The following EIF4G3 variants were observed in gnomAD, a reference collection of about 807,000 sequenced individuals.
EIF4G3 encodes the protein eukaryotic translation initiation factor 4 gamma 3, also known as eIF-4-gamma 3.
Under a neutral mutation model 186.4 loss-of-function variants are expected in EIF4G3, and 34 were observed. The observed-to-expected ratio is 0.18, with a 90% CI of 0.14 to 0.24. EIF4G3 has a LOEUF of 0.24. Ranked by LOEUF, EIF4G3 falls within the 10% of genes least tolerant of loss-of-function variation. The pLI is 1.00. For missense variants in EIF4G3, 1,536 were observed against 1,948.5 expected, an observed-to-expected ratio of 0.79 and a Z score of 3.99; for synonymous variants, 673 against 679.5, an observed-to-expected ratio of 0.99 and a Z score of 0.15.
intron 35 of EIF4G3, among the ~76,000 whole-genome samples, chr1:20,811,600 C>T (rs537542906): frequency 5.9e-5 from 9 of 152,234 alleles, no homozygotes; most frequent in African/African-American, 1.9e-4. Flanking sequence ...GAGTAGCGTA[C>T]CCAATTATCT....
intron 25 of EIF4G3, among the ~76,000 whole-genome samples, chr1:20,856,452 T>C (rs184586711): frequency 6.6e-6 from 1 of 152,326 alleles, no homozygotes; most frequent in East Asian, 1.9e-4. Context: ...CACTGGACTT[T>C]AGAAGTTTCC....
chr1:20,907,257 A>G (rs974913217), intron 14 of EIF4G3, among the ~76,000 whole-genome samples: 1 of 152,202 alleles, frequency 6.6e-6, no homozygotes, highest in Non-Finnish European at 1.5e-5. Context: ...CATAGGATTC[A>G]TAATTACCTG....
intron 14 of EIF4G3, among the ~76,000 whole-genome samples, chr1:20,916,018 T>A (rs2093822398): frequency 6.6e-6 from 1 of 152,156 alleles, no homozygotes; most frequent in Non-Finnish European, 1.5e-5. Flanking sequence ...TTGCAGGACA[T>A]GAAACTGATA....
At chr1:21,083,479 C>T (rs973739560) in intron 3 of EIF4G3, among the ~76,000 whole-genome samples, 1 of 142,956 alleles carries the variant, frequency 7.0e-6, no homozygotes, top group Admixed American at 7.2e-5. Context: ...CACCCAGCCA[C>T]ACACACACTT....
chr1:21,061,541 T>C lies in EIF4G3; in HGVS notation c.-195-10547A>G, dbSNP rs139334652. ...CAAGTAAATCTAGAGGTAGGTTCAT[T>C]ACCAACATTCCACATAGCATCTAAG... is the stretch of plus-strand genomic sequence containing the variant. On this transcript the variant is annotated intron_variant, in intron 3 of 36. Coordinates refer to ENST00000602326, the MANE Select transcript of EIF4G3 (RefSeq NM_001391906.1). Among the ~76,000 whole-genome samples, 388 of 152,280 alleles carry C rather than the reference T, an allele frequency of 2.5e-3. 3 individuals are homozygous for C. Among genetic ancestry groups the C allele is most frequent in the African/African-American group, 8.6e-3 (359 of 41,544 alleles).
At chr1:21,131,451 GA>G (rs767743509) in intron 2 of EIF4G3, among the ~76,000 whole-genome samples, 6,297 of 85,196 alleles carry the variant, frequency 0.074, 380 homozygotes, top group African/African-American at 0.21. Flanking sequence ...GAATTTTCCA[GA>G]AAAAAAAAAA....
At chr1:21,060,983 A>C (rs968750632) in intron 3 of EIF4G3, among the ~76,000 whole-genome samples, 5 of 152,178 alleles carry the variant, frequency 3.3e-5, no homozygotes, top group African/African-American at 1.2e-4. Flanking sequence ...CATGGAATAC[A>C]TCAGTAAAAG....
intron 12 of EIF4G3, among the ~76,000 whole-genome samples, chr1:20,964,814 T>A (rs1447980253): frequency 6.6e-6 from 1 of 152,206 alleles, no homozygotes; most frequent in Non-Finnish European, 1.5e-5. Flanking sequence ...TAAAACCTAA[T>A]GGTTAACACC....
intron 2 of EIF4G3, among the ~76,000 whole-genome samples, chr1:21,095,125 G>A: frequency 6.6e-6 from 1 of 152,132 alleles, no homozygotes; most frequent in Non-Finnish European, 1.5e-5. Context: ...ACGCCTAGCA[G>A]AATCTAGGCA....
At chr1:20,905,164 AC>A (rs2091698305) in intron 14 of EIF4G3, among the ~76,000 whole-genome samples, 193 bp from the exon 15 acceptor site, 1 of 152,234 alleles carries the variant, frequency 6.6e-6, no homozygotes, top group Non-Finnish European at 1.5e-5. Flanking sequence ...GTGGGTACAA[AC>A]TCGTAGCTTT....
At chr1:21,049,957 C>T (rs1336632117) in intron 4 of EIF4G3, among the ~76,000 whole-genome samples, 4 of 152,106 alleles carry the variant, frequency 2.6e-5, no homozygotes, top group Non-Finnish European at 5.9e-5. Flanking sequence ...AAAATCAGCC[C>T]TTAACTTATA....
At chr1:20,899,095 AAGTC>A (rs1243017826) in intron 16 of EIF4G3, among the ~76,000 whole-genome samples, 4 of 152,150 alleles carry the variant, frequency 2.6e-5, no homozygotes, top group Non-Finnish European at 5.9e-5. Flanking sequence ...ATATATCTCA[AAGTC>A]AGTCACAGTT....
chr1:21,176,118 T>C, intron 2 of EIF4G3, 57 bp downstream of exon 2: 12 of 307,362 alleles, frequency 3.9e-5, no homozygotes, highest in South Asian at 1.3e-4. Flanking sequence ...GGCTGCGGGG[T>C]CCCCCTGGAC....
At chr1:20,922,470 T>C (rs2094554256) in intron 14 of EIF4G3, among the ~76,000 whole-genome samples, 1 of 152,198 alleles carries the variant, frequency 6.6e-6, no homozygotes, top group South Asian at 2.1e-4. Context: ...GTTGATTTTG[T>C]ATTTTTAGTA....
At chr1:20,973,524 A>G (rs2076286502) in intron 10 of EIF4G3, among the ~76,000 whole-genome samples, 1 of 152,158 alleles carries the variant, frequency 6.6e-6, no homozygotes, top group Non-Finnish European at 1.5e-5. Flanking sequence ...ATCATCTTGG[A>G]AAGTAGGGGT....
Position 20,817,238 on chromosome 1 carries a change from AT to A in EIF4G3, c.4515+153del, listed in dbSNP as rs201763921. Among the ~76,000 whole-genome samples, 477 of 135,846 alleles carry A rather than the reference AT, an allele frequency of 3.5e-3. 3 individuals are homozygous for A. Among genetic ancestry groups the A allele is most frequent in the African/African-American group, 7.1e-3 (250 of 35,024 alleles). 89.1% of individuals were successfully genotyped at this position (135,846 alleles called of 152,430 possible). On this transcript the variant is annotated intron_variant, in intron 34 of 36. Transcript: ENST00000602326. ...TGCGAGAAACACCCAAGAATGATCAATTAAAAAAAAAAAATAAATAAATAAA... is the reference window on the plus strand; with the variant it reads ...TGCGAGAAACACCCAAGAATGATCAATAAAAAAAAAAAATAAATAAATAAA...
At chr1:21,154,373 T>C (rs1320326010) in intron 2 of EIF4G3, among the ~76,000 whole-genome samples, 1 of 152,204 alleles carries the variant, frequency 6.6e-6, no homozygotes, top group African/African-American at 2.4e-5. Flanking sequence ...AATATGCAGA[T>C]ACAGTATCAA....
chr1:21,052,791 C>T (rs1327023825), intron 3 of EIF4G3, among the ~76,000 whole-genome samples: 15 of 152,050 alleles, frequency 9.9e-5, no homozygotes, highest in African/African-American at 3.4e-4. Flanking sequence ...CTGTGTTGGC[C>T]GGGCTGGTCT....
Position 20,981,249 on chromosome 1 carries a change from AAT to A in EIF4G3, c.199-24_199-23del, listed in dbSNP as rs1491459289. On this transcript the variant is annotated intron_variant, in intron 8 of 36. Transcript: ENST00000602326. ...AAAACTGGGAAGGGGAGAAAAAAAA[AAT>A]TTTTTTTTTTTTTTAACACAGGGGA... is the stretch of plus-strand genomic sequence containing the variant. The A allele has an allele frequency of 2.0e-3, 2,980 of 1,523,134 alleles. 6 individuals carry two copies. The East Asian group carries it at 0.032, about 17-fold the overall frequency. The allele number at this position is 1,523,134 out of a possible 1,614,324, so 94.4% of individuals were successfully genotyped here.
Sources: gnomAD v4.1 joint callset for allele counts (sites outside exome capture counted in the v4.1 genomes callset) on GRCh38, gnomAD v4.1.1 for gene constraint, MANE v1.5 for transcripts, NCBI Gene and HGNC (gene_info 2026-07-23, HGNC 2026-07-21) for gene names.